Variants in EHD4 observed in about 807,000 individuals in gnomAD.
EHD4 encodes EH domain-containing protein 4.
Under a neutral mutation model 51.0 loss-of-function variants are expected in EHD4, and 37 were observed. The observed-to-expected ratio is 0.73, with a 90% CI of 0.56 to 0.95. The LOEUF (loss-of-function observed/expected upper bound fraction) is 0.95. Among genes scored for constraint, EHD4 ranks in the 40% least tolerant of loss-of-function variants. The pLI, the probability that EHD4 is intolerant of heterozygous loss-of-function variation, is 0.00. For missense variants in EHD4, 632 were observed against 733.1 expected (o/e 0.86, Z 1.59); for synonymous variants, 297 against 317.3 (o/e 0.94, Z 0.68).
chr15:41,932,762 C>T (rs1417922660), intron 3 of EHD4, among the ~76,000 whole-genome samples: 6 of 152,276 alleles, frequency 3.9e-5, no homozygotes, highest in Admixed American at 2.0e-4. Flanking sequence ...CATAGCTCTA[C>T]GGTCAGGCCC....
intron 3 of EHD4, among the ~76,000 whole-genome samples, chr15:41,932,880 G>A (rs1332298548): frequency 1.3e-5 from 2 of 152,328 alleles, no homozygotes; most frequent in South Asian, 2.1e-4. Context: ...GGGAAATGCT[G>A]AGCGCTTGGC....
rs553366213 is a variant in EHD4 at position 41,951,230 on chromosome 15, G to A, written c.413+2534C>T. ...GCATCATGTCACAGGGGTTCTGTGA[G>A]GATTTAAAGCTAATACACAAGTCTA... is the stretch of plus-strand genomic sequence containing the variant. On this transcript the variant is annotated intron_variant, in intron 2 of 5. Transcript: ENST00000220325. Among the ~76,000 whole-genome samples, 21 of 152,258 alleles carry A rather than the reference G, an allele frequency of 1.4e-4. No individual in the cohort carries two copies. The South Asian group carries it at 2.7e-3, about 20-fold the overall frequency.
chr15:41,955,789 T>C (rs1378843905), intron 1 of EHD4, among the ~76,000 whole-genome samples: 2 of 152,152 alleles, frequency 1.3e-5, no homozygotes, highest in Admixed American at 1.3e-4. Flanking sequence ...ATGGAGTGGA[T>C]GCAGAGCGTG....
intron 5 of EHD4, among the ~76,000 whole-genome samples, chr15:41,903,341 ACAG>A (rs2067490743): frequency 5.0e-5 from 7 of 139,100 alleles, no homozygotes; most frequent in Non-Finnish European, 6.5e-5. Context: ...AAAAAAAAAA[ACAG>A]AAAAAACTGG....
At chr15:41,969,203 T>C (rs771847903) in intron 1 of EHD4, among the ~76,000 whole-genome samples, 25 of 152,232 alleles carry the variant, frequency 1.6e-4, no homozygotes, top group Admixed American at 5.9e-4. Context: ...ATAAGTTTTC[T>C]GGGGAGAGGG....
Position 41,896,672 on chromosome 15 carries a change from G to T in EHD4, c.*3973C>A, listed in dbSNP as rs4924583. ...CTGGCAAGGTACAGCAAGAGGCAGG[G>T]GCAGTGCTGGACAGGCAGGGGCTCC... is the stretch of plus-strand genomic sequence containing the variant. On this transcript the variant is annotated 3_prime_UTR_variant, in exon 6 of 6. Transcript: ENST00000220325. 0.092 allele frequency: 14,033 copies of T among 152,272 alleles called. 774 individuals carry two copies. Among genetic ancestry groups the T allele is most frequent in the East Asian group, 0.24 (1,262 of 5,176 alleles). The allele number at this position is 152,272 out of a possible 1,614,324, so 9.4% of individuals were successfully genotyped here. A position where few individuals can be genotyped will look rare whatever the true frequency, so the allele number is the denominator to read the frequency against.
intron 5 of EHD4, among the ~76,000 whole-genome samples, chr15:41,906,716 G>C (rs952615618): frequency 6.6e-6 from 1 of 152,222 alleles, no homozygotes; most frequent in African/African-American, 2.4e-5. Flanking sequence ...CCCCCTCTGG[G>C]GCTTTGGGGT....
chr15:41,948,257 A>G (rs2067828544), intron 2 of EHD4, among the ~76,000 whole-genome samples: 1 of 152,146 alleles, frequency 6.6e-6, no homozygotes, highest in Non-Finnish European at 1.5e-5. Flanking sequence ...CGCCTCCAAA[A>G]AAAAAACCAC....
chr15:41,943,897 T>C (rs1027160808), intron 2 of EHD4, among the ~76,000 whole-genome samples: 3 of 152,186 alleles, frequency 2.0e-5, no homozygotes, highest in Non-Finnish European at 4.4e-5. Flanking sequence ...TCCAGGTGCT[T>C]AGGAGTCTAG....
chr15:41,903,815 C>T (rs1424735242), intron 5 of EHD4, among the ~76,000 whole-genome samples: 1 of 152,102 alleles, frequency 6.6e-6, no homozygotes, highest in Non-Finnish European at 1.5e-5. Context: ...CTGACATATT[C>T]TCAGGAAGTA....
intron 4 of EHD4, among the ~76,000 whole-genome samples, chr15:41,916,021 G>A (rs192365146): frequency 1.8e-4 from 27 of 152,250 alleles, no homozygotes; most frequent in Admixed American, 9.2e-4. Flanking sequence ...TTAAAACGGC[G>A]CACTTGCTTT....
chr15:41,932,783 C>T (rs1251472793), intron 3 of EHD4, among the ~76,000 whole-genome samples: 2 of 152,252 alleles, frequency 1.3e-5, no homozygotes, highest in Admixed American at 6.5e-5. Context: ...AAATACTTCA[C>T]GCACCCTCAC....
In EHD4 at chr15:41,900,268, A is replaced by T; in HGVS notation, c.*377T>A. On this transcript the variant is annotated 3_prime_UTR_variant, in exon 6 of 6. Coordinates refer to ENST00000220325, the MANE Select transcript of EHD4 (RefSeq NM_139265.4). This position sits in a 1 kb window ranked among gnomAD's most constrained non-coding sequence, Gnocchi z 4.8. Reference sequence around the variant, plus strand: ...TCCAGAGTTGTTCATGAGGACAAAAAGCCCAGGCAGCCTGGAGACCCAGCT... The same window carrying T: ...TCCAGAGTTGTTCATGAGGACAAAATGCCCAGGCAGCCTGGAGACCCAGCT... 4.5e-6 allele frequency: 1 copy of T among 222,030 alleles called. No individual in the cohort carries two copies. Among genetic ancestry groups the T allele is most frequent in the Non-Finnish European group, 8.8e-6 (1 of 113,274 alleles). The allele number at this position is 222,030 out of a possible 1,614,324, so 13.8% of individuals were successfully genotyped here.
chr15:41,933,818 T>G (rs1214362641), intron 3 of EHD4, among the ~76,000 whole-genome samples: 4 of 152,118 alleles, frequency 2.6e-5, no homozygotes, highest in African/African-American at 4.8e-5. Context: ...TTCCTAAAAA[T>G]CCTAGCTTCC....
At chr15:41,907,382 T>C (rs779494448) in intron 5 of EHD4, among the ~76,000 whole-genome samples, 20 of 152,260 alleles carry the variant, frequency 1.3e-4, no homozygotes, top group African/African-American at 2.9e-4. Flanking sequence ...AATGGGGAAG[T>C]TGCCCAGGGA....
intron 4 of EHD4, among the ~76,000 whole-genome samples, chr15:41,912,672 G>A (rs1176747049): frequency 6.6e-6 from 1 of 152,090 alleles, no homozygotes; most frequent in Non-Finnish European, 1.5e-5. Flanking sequence ...TCCAGCCTGG[G>A]TGACACAGCA....
intron 2 of EHD4, among the ~76,000 whole-genome samples, chr15:41,946,326 T>C (rs2067814263): frequency 6.6e-6 from 1 of 152,112 alleles, no homozygotes; most frequent in Admixed American, 6.5e-5. Context: ...CTCAACTCCA[T>C]ATCCTCTCCA....
At chr15:41,940,155 G>C (rs1595539845) in intron 3 of EHD4, among the ~76,000 whole-genome samples, 2 of 152,198 alleles carry the variant, frequency 1.3e-5, no homozygotes, top group East Asian at 3.9e-4. Context: ...ACCGCACAAA[G>C]GGGAAAGGAG....
At chr15:41,910,725 C>T (rs923082038) in intron 4 of EHD4, among the ~76,000 whole-genome samples, 23 of 152,214 alleles carry the variant, frequency 1.5e-4, no homozygotes, top group South Asian at 2.1e-4. Context: ...TGCACCACCA[C>T]GCCTGGCTAA....
Sources: allele counts gnomAD v4.1 joint callset (sites outside exome capture counted in the v4.1 genomes callset), GRCh38; gene constraint gnomAD v4.1.1; non-coding constraint Gnocchi (gnomAD v3.1); transcripts MANE v1.5; gene names NCBI Gene and HGNC (gene_info 2026-07-23, HGNC 2026-07-21).